KDM1A: variants seen among roughly 807,000 people sequenced by gnomAD.
KDM1A encodes the protein lysine-specific histone demethylase 1A.
KDM1A carries 49 observed loss-of-function variants against 109.4 expected under a neutral mutation model. The ratio of observed to expected loss-of-function variants is 0.45; its 90% CI spans 0.36 to 0.57. The LOEUF is 0.57. Among genes scored for constraint, KDM1A ranks in the 20% least tolerant of loss-of-function variants. The pLI, the probability that KDM1A is intolerant of heterozygous loss-of-function variation, is 0.00. For synonymous variants in KDM1A, 380 were observed against 415.4 expected (o/e 0.91, Z 1.04); for missense variants, 668 against 1,116.6 (o/e 0.60, Z 5.73).
Position 23,079,375 on chromosome 1 carries a change from C to T in KDM1A, c.2056-178C>T, listed in dbSNP as rs1643555919. On this transcript the variant is annotated intron_variant, in intron 17 of 20. Coordinates refer to ENST00000400181, the MANE Select transcript of KDM1A (RefSeq NM_001009999.3). The surrounding 1 kb of genome is among the most constrained non-coding windows in gnomAD (Gnocchi z 5.6). ...AAGTGTCTGTTCATATGGACTTAGT[C>T]TTATGGGGTCATTTCACAAACTCAG... 6.6e-6 allele frequency among the ~76,000 whole-genome samples: 1 copy of T among 152,144 alleles called. No homozygotes were observed. Among genetic ancestry groups the T allele is most frequent in the African/African-American group, 2.4e-5 (1 of 41,404 alleles).
intron 9 of KDM1A, among the ~76,000 whole-genome samples, chr1:23,062,851 G>A (rs1643038416): frequency 6.6e-6 from 1 of 152,078 alleles, no homozygotes; most frequent in Non-Finnish European, 1.5e-5. Flanking sequence ...AAATAGAAGG[G>A]ATCTCCACTA....
chr1:23,028,843 A>T (rs960126220), intron 1 of KDM1A, among the ~76,000 whole-genome samples: 1 of 152,134 alleles, frequency 6.6e-6, no homozygotes, highest in African/African-American at 2.4e-5. Flanking sequence ...TGAGATGGTC[A>T]CCTGATCAGG....
In KDM1A at chr1:23,020,247, A is replaced by C. The variant is rs77297256; in HGVS notation, c.351+300A>C. On this transcript the variant is annotated intron_variant, in intron 1 of 20. Transcript: ENST00000400181. ...TCTTGCACACCTTTTCATTTTCTTG[A>C]CTGGAAAATGGCTCCCTGACGTGGG... The C allele has an allele frequency of 5.1e-3, 1,315 of 255,564 alleles. 22 individuals are homozygous for C. The highest frequency in any genetic ancestry group is 0.028 in the African/African-American group (1,251 of 45,084). 15.8% of individuals were successfully genotyped at this position (255,564 alleles called of 1,614,324 possible). A position where few individuals can be genotyped will look rare whatever the true frequency, so the allele number is the denominator to read the frequency against.
rs190081036 is a variant in KDM1A, at chr1:23,044,887, A to G, written c.577+401A>G. Among the ~76,000 whole-genome samples the G allele has an allele frequency of 2.7e-3, 407 of 152,328 alleles. 4 individuals are homozygous for G. The highest frequency in any genetic ancestry group is 9.1e-3 in the African/African-American group (377 of 41,572). ...GCAAAAACAAACGGGACTGAGAGGC[A>G]TTCTAGGACTAGTCAGAGGAACTAT... On this transcript the variant is annotated intron_variant, in intron 3 of 20. Coordinates refer to ENST00000400181, the MANE Select transcript of KDM1A (RefSeq NM_001009999.3).
chr1:23,041,435 CTTTTTTTTTTTTTTT>C (rs66720696), intron 2 of KDM1A, among the ~76,000 whole-genome samples: 23 of 53,010 alleles, frequency 4.3e-4, no homozygotes, highest in Non-Finnish European at 3.2e-5. Flanking sequence ...TCTTTTCTTG[CTTTTTTTTTTTTTTT>C]TTTTTTTTTG....
chr1:23,036,900 A>G (rs941877129), intron 2 of KDM1A, among the ~76,000 whole-genome samples: 2 of 152,146 alleles, frequency 1.3e-5, no homozygotes, highest in African/African-American at 4.8e-5. Context: ...TACAAATATT[A>G]TTGTACGATG....
At position 23,059,180 on chromosome 1, in the gene KDM1A, C is replaced by A. The variant is rs756633935; in HGVS notation, c.1167+13C>A. On this transcript the variant is annotated intron_variant, in intron 9 of 20. Transcript: ENST00000400181. ...CAACGGACAAGCTGTAAGTCGAGGA[C>A]AAACAGAACTTTCAACATTTCTTTG... 4 of 1,600,060 alleles carry A rather than the reference C, an allele frequency of 2.5e-6. No homozygotes were observed. The East Asian group carries it at 9.0e-5, about 36-fold the overall frequency.
chr1:23,071,654 G>T (rs1334725113), intron 13 of KDM1A, among the ~76,000 whole-genome samples: 1 of 152,098 alleles, frequency 6.6e-6, no homozygotes, highest in Non-Finnish European at 1.5e-5. Context: ...GTCATTTGGG[G>T]TCAAACTGTC....
At chr1:23,044,177 T>G (rs1642435254) in intron 2 of KDM1A, 1 of 390,240 alleles carries the variant, frequency 2.6e-6, no homozygotes, top group African/African-American at 2.1e-5. Context: ...ATTTAGTGAT[T>G]AGAAATACTA....
At chr1:23,050,189 TTCAC>T (rs1161296571) in intron 3 of KDM1A, among the ~76,000 whole-genome samples, 194 bp from the exon 4 acceptor site, 1 of 152,252 alleles carries the variant, frequency 6.6e-6, no homozygotes, top group African/African-American at 2.4e-5. Context: ...AGGTAGTTGT[TTCAC>T]TCAGTAAAGT....
At chr1:23,080,340 T>C (rs974338727) in intron 18 of KDM1A, among the ~76,000 whole-genome samples, 22 of 152,120 alleles carry the variant, frequency 1.4e-4, no homozygotes, top group Admixed American at 2.6e-4. Context: ...CAGCGTGTCT[T>C]TTCCCTTCCC....
rs1236557605 is a variant in KDM1A at position 23,056,051 on chromosome 1, T to C, written c.990+13T>C. ...TTTGGAAGCCAGGGTAAGAATTTCA[T>C]TTTGAGTTTAGAGGCTTGACCTATT... On this transcript the variant is annotated intron_variant, in intron 7 of 20. Coordinates refer to ENST00000400181, the MANE Select transcript of KDM1A (RefSeq NM_001009999.3). 1 of 1,573,816 alleles carries C rather than the reference T, an allele frequency of 6.4e-7. No homozygotes were observed. Among genetic ancestry groups the C allele is most frequent in the Non-Finnish European group, 8.7e-7 (1 of 1,143,844 alleles).
intron 2 of KDM1A, among the ~76,000 whole-genome samples, chr1:23,031,307 G>C (rs559585899): frequency 6.6e-6 from 1 of 152,160 alleles, no homozygotes; most frequent in Non-Finnish European, 1.5e-5. Context: ...CCAAGCAAAA[G>C]CAGTATTTTA....
chr1:23,057,597 C>A lies in KDM1A; in HGVS notation c.1072+32C>A, dbSNP rs780094571. On this transcript the variant is annotated intron_variant, in intron 8 of 20. Transcript: ENST00000400181. ...AGCTATTGGTTTGTGCTATATAGTA[C>A]ATGGTCTAAGACTCATAAAAGAAAT... The A allele has an allele frequency of 5.3e-6, 8 of 1,504,880 alleles. No homozygotes were observed. In the South Asian group the frequency reaches 6.7e-5, roughly 13 times the overall value. 93.2% of individuals were successfully genotyped at this position (1,504,880 alleles called of 1,614,324 possible). A position where few individuals can be genotyped will look rare whatever the true frequency, so the allele number is the denominator to read the frequency against.
chr1:23,038,329 C>T (rs957162620), intron 2 of KDM1A, among the ~76,000 whole-genome samples: 2 of 151,062 alleles, frequency 1.3e-5, no homozygotes, highest in African/African-American at 4.9e-5. Context: ...TAAGTTAAAT[C>T]ATGAGAATGA....
intron 16 of KDM1A, 38 bp downstream of exon 16, chr1:23,077,398 C>G (rs771672752): frequency 1.9e-6 from 3 of 1,591,220 alleles, no homozygotes; most frequent in Admixed American, 1.7e-5. Context: ...AGAGAACTCT[C>G]CTGAAACAGG....
chr1:23,067,499 C>T (rs1406767488), intron 10 of KDM1A, among the ~76,000 whole-genome samples: 1 of 152,220 alleles, frequency 6.6e-6, no homozygotes, highest in Non-Finnish European at 1.5e-5. Flanking sequence ...GTCTTGTCAA[C>T]AGTCAGTTAC....
At chr1:23,071,183 C>A (rs1167814428) in intron 12 of KDM1A, 42 bp from the exon 13 acceptor site, 5 of 1,549,846 alleles carry the variant, frequency 3.2e-6, no homozygotes, top group African/African-American at 1.4e-5. Flanking sequence ...ACATAAACTA[C>A]ATTGCTATCT....
chr1:23,078,059 C>G (rs987184918), intron 16 of KDM1A, among the ~76,000 whole-genome samples: 1 of 152,148 alleles, frequency 6.6e-6, no homozygotes, highest in Non-Finnish European at 1.5e-5. Flanking sequence ...CTCTGAGAAC[C>G]CATGTATGAC....
Sources: allele counts gnomAD v4.1 joint callset (sites outside exome capture counted in the v4.1 genomes callset), GRCh38; gene constraint gnomAD v4.1.1; non-coding constraint Gnocchi (gnomAD v3.1); transcripts MANE v1.5; gene names NCBI Gene and HGNC (gene_info 2026-07-23, HGNC 2026-07-21).